SEL1L2: variants seen among roughly 807,000 people sequenced by gnomAD.
SEL1L2 encodes the protein SEL1L2 adaptor subunit of SYVN1 ubiquitin ligase.
SEL1L2 carries 89 observed loss-of-function variants against 98.8 expected under a neutral mutation model. That is an observed-to-expected ratio of 0.90 (90% CI 0.76 to 1.07). SEL1L2 has a LOEUF of 1.07. Ranked by LOEUF, SEL1L2 falls within the 50% of genes least tolerant of loss-of-function variation. SEL1L2 has a pLI of 0.00. For missense variants in SEL1L2, 788 were observed against 812.0 expected (o/e 0.97, Z 0.36); for synonymous variants, 262 against 278.5 (o/e 0.94, Z 0.59).
intron 1 of SEL1L2, among the ~76,000 whole-genome samples, chr20:13,956,859 A>G (rs2050564429): frequency 6.6e-6 from 1 of 152,164 alleles, no homozygotes; most frequent in Non-Finnish European, 1.5e-5. Context: ...ACTAAGATTG[A>G]CAAATTTTCA....
rs931257545 is a variant in SEL1L2 at position 13,896,423 on chromosome 20, T to C, written c.550-7911A>G. Among the ~76,000 whole-genome samples the C allele has an allele frequency of 2.6e-5, 4 of 151,882 alleles. No individual in the cohort carries two copies. The East Asian group carries it at 5.8e-4, about 22-fold the overall frequency. On this transcript the variant is annotated intron_variant, in intron 5 of 19. Transcript: ENST00000284951. ...AGGTGGAGCTTGCAGTGAGCTGAGA[T>C]CACTCCATTGCACTCCAGCCTGGGC...
At chr20:13,878,453 C>G (rs902879038) in intron 10 of SEL1L2, among the ~76,000 whole-genome samples, 1 of 152,110 alleles carries the variant, frequency 6.6e-6, no homozygotes. Flanking sequence ...ACAGGCGCCC[C>G]CACCCACAAT....
chr20:13,972,881 A>T (rs1197765687), intron 1 of SEL1L2, among the ~76,000 whole-genome samples: 1 of 152,106 alleles, frequency 6.6e-6, no homozygotes, highest in African/African-American at 2.4e-5. Context: ...GTCTTTTCCC[A>T]GTGTTCTTGC....
At chr20:13,885,544 A>T in intron 9 of SEL1L2, 141 bp from the exon 10 acceptor site, 1 of 652,916 alleles carries the variant, frequency 1.5e-6, no homozygotes, top group South Asian at 1.8e-5. Flanking sequence ...AACATTCCAG[A>T]CTATATCATT....
intron 1 of SEL1L2, among the ~76,000 whole-genome samples, chr20:13,988,961 C>T (rs532637941): frequency 6.6e-6 from 1 of 152,156 alleles, no homozygotes; most frequent in African/African-American, 2.4e-5. Context: ...TGCAGTGAGC[C>T]GAGATCACGT....
intron 5 of SEL1L2, among the ~76,000 whole-genome samples, chr20:13,907,444 T>G (rs568122163): frequency 6.6e-6 from 1 of 151,996 alleles, no homozygotes; most frequent in African/African-American, 2.4e-5. Context: ...TGGCCTATGC[T>G]TGCAGTCCTA....
rs530661778 is a variant in SEL1L2, at chr20:13,933,743, G to C, written c.115-1972C>G. ...AGCATCAGTATCTAGCAGACAGAAA[G>C]AGAAAGAGCCTGGAAGACTATGTGG... is the stretch of plus-strand genomic sequence containing the variant. On this transcript the variant is annotated intron_variant, in intron 2 of 19. Coordinates refer to ENST00000284951, the MANE Select transcript of SEL1L2 (RefSeq NM_025229.2). 2.2e-4 allele frequency among the ~76,000 whole-genome samples: 33 copies of C among 152,250 alleles called. No homozygotes were observed. The South Asian group carries it at 6.8e-3, about 32-fold the overall frequency.
At chr20:13,859,040 C>A (rs1036622107) in intron 18 of SEL1L2, among the ~76,000 whole-genome samples, 1 of 152,216 alleles carries the variant, frequency 6.6e-6, no homozygotes, top group African/African-American at 2.4e-5. Context: ...CTTCTACTCA[C>A]CAGTTATGTC....
At chr20:13,914,893 C>T (rs1283057905) in intron 4 of SEL1L2, among the ~76,000 whole-genome samples, 1 of 152,136 alleles carries the variant, frequency 6.6e-6, no homozygotes, top group Non-Finnish European at 1.5e-5. Context: ...CAGTCAGAAG[C>T]CATCTGGACC....
rs769747639 is a variant in SEL1L2, at chr20:13,886,484, G to C, written c.746-42C>G. 28 of 1,559,596 alleles carry C rather than the reference G, an allele frequency of 1.8e-5. No individual in the cohort carries two copies. In the South Asian group the frequency reaches 3.1e-4, roughly 17 times the overall value. ...GCCAGAGAATAGCTAGAAAACAGAG[G>C]CTGCAAGAGATAACAGTCAATTTAG... On this transcript the variant is annotated intron_variant, in intron 8 of 19. Coordinates refer to ENST00000284951, the MANE Select transcript of SEL1L2 (RefSeq NM_025229.2).
chr20:13,991,231 G>T (rs1440094674), upstream of SEL1L2, among the ~76,000 whole-genome samples: 1 of 152,240 alleles, frequency 6.6e-6, no homozygotes, highest in African/African-American at 2.4e-5. Flanking sequence ...CACAGAGCTA[G>T]TTGAGAAATT....
At chr20:13,884,491 A>T (rs1212500790) in intron 10 of SEL1L2, among the ~76,000 whole-genome samples, 1 of 152,002 alleles carries the variant, frequency 6.6e-6, no homozygotes, top group Non-Finnish European at 1.5e-5. Context: ...TTGAATGGTT[A>T]ATTAACTTAT....
chr20:13,918,973 C>T (rs758566738), intron 4 of SEL1L2, 48 bp downstream of exon 4: 4 of 1,336,802 alleles, frequency 3.0e-6, no homozygotes, highest in Non-Finnish European at 3.2e-6. Flanking sequence ...TTTCTTTTTT[C>T]TTAACCTGGA....
intron 1 of SEL1L2, among the ~76,000 whole-genome samples, chr20:13,981,351 A>T (rs1246176517): frequency 1.3e-5 from 2 of 152,212 alleles, no homozygotes; most frequent in African/African-American, 4.8e-5. Flanking sequence ...TACAGTTTCA[A>T]TTAGATGGTA....
intron 1 of SEL1L2, among the ~76,000 whole-genome samples, chr20:13,982,331 C>T (rs906798879): frequency 2.6e-5 from 4 of 151,526 alleles, no homozygotes; most frequent in East Asian, 1.9e-4. Context: ...AGCAACACAG[C>T]GAGATCCTCT....
intron 18 of SEL1L2, among the ~76,000 whole-genome samples, chr20:13,850,628 A>G (rs1401203383): frequency 2.0e-5 from 3 of 152,172 alleles, no homozygotes; most frequent in African/African-American, 7.2e-5. Context: ...ATAAGGAAAC[A>G]AGAACCTTGG....
chr20:13,981,408 C>A (rs568334674), intron 1 of SEL1L2, among the ~76,000 whole-genome samples: 1 of 152,108 alleles, frequency 6.6e-6, no homozygotes, highest in Non-Finnish European at 1.5e-5. Context: ...TAGTTAATAA[C>A]GTATTCTGTA....
intron 5 of SEL1L2, 186 bp downstream of exon 5, chr20:13,913,596 G>A: frequency 2.3e-6 from 1 of 428,058 alleles, no homozygotes; most frequent in Admixed American, 4.4e-5. Flanking sequence ...AAATTTAGCT[G>A]TTGGGGGTTC....
intron 15 of SEL1L2, 38 bp downstream of exon 15, chr20:13,866,664 T>C (rs557531536): frequency 1.4e-6 from 2 of 1,478,256 alleles, no homozygotes; most frequent in East Asian, 2.5e-5. Context: ...GTGTCATATA[T>C]GACAAGTGCT....
Sources: allele counts gnomAD v4.1 joint callset (sites outside exome capture counted in the v4.1 genomes callset), GRCh38; gene constraint gnomAD v4.1.1; transcripts MANE v1.5; gene names NCBI Gene and HGNC (gene_info 2026-07-23, HGNC 2026-07-21).